The following USP34 variants were observed in gnomAD, a reference collection of about 807,000 sequenced individuals.
USP34 encodes the protein ubiquitin carboxyl-terminal hydrolase 34.
In USP34, 70 loss-of-function variants were observed where a neutral mutation model predicts 460.3. The observed-to-expected ratio is 0.15, with a 90% CI of 0.13 to 0.19. USP34 has a LOEUF of 0.19. Among genes scored for constraint, USP34 ranks in the 10% least tolerant of loss-of-function variants. The pLI is 1.00. For missense variants in USP34, 3,985 were observed against 4,236.2 expected (o/e 0.94, Z 1.65); for synonymous variants, 1,647 against 1,405.3 (o/e 1.17, Z -3.85).
At chr2:61,202,933 T>G (rs1687017757) in intron 75 of USP34, among the ~76,000 whole-genome samples, 1 of 152,062 alleles carries the variant, frequency 6.6e-6, no homozygotes, top group Non-Finnish European at 1.5e-5. Flanking sequence ...ATAGGCCAGC[T>G]GAAACTCTGG....
intron 67 of USP34, among the ~76,000 whole-genome samples, chr2:61,218,729 T>C (rs1687473667): frequency 6.6e-6 from 1 of 152,136 alleles, no homozygotes; most frequent in Non-Finnish European, 1.5e-5. Context: ...TCATAGAATG[T>C]CCCTCAATCT....
intron 5 of USP34, among the ~76,000 whole-genome samples, chr2:61,390,188 A>G (rs1693299077): frequency 6.6e-6 from 1 of 152,182 alleles, no homozygotes; most frequent in East Asian, 1.9e-4. Context: ...CCTCATTTGC[A>G]CTTCTTTCTA....
chr2:61,301,290 G>C (rs1229687548), intron 28 of USP34, 64 bp downstream of exon 28: 2 of 1,551,986 alleles, frequency 1.3e-6, no homozygotes, highest in Non-Finnish European at 1.8e-6. Context: ...AACTACATCT[G>C]CGACTATTCA....
intron 1 of USP34, among the ~76,000 whole-genome samples, chr2:61,440,208 T>C (rs955812309): frequency 6.6e-6 from 1 of 152,090 alleles, no homozygotes; most frequent in African/African-American, 2.4e-5. Flanking sequence ...AGCCTCTTCC[T>C]CCTGGCCTCC....
rs1389153801 is a variant in USP34 at position 61,283,279 on chromosome 2, A to G, written c.4874-10T>C. On this transcript the variant is annotated splice_polypyrimidine_tract_variant and intron_variant, in intron 36 of 79. Transcript: ENST00000398571. ...ATTGAATAATGTGAAACTAAAGAAA[A>G]ATTAGAAAACAGTTCACTATAAAAG... 3.7e-6 allele frequency: 6 copies of G among 1,610,090 alleles called. No individual in the cohort carries two copies. Among genetic ancestry groups the G allele is most frequent in the Non-Finnish European group, 5.1e-6 (6 of 1,178,508 alleles).
rs1424048968 is a variant in USP34, at chr2:61,227,059, C to T, written c.7595+8G>A. 13 of 1,584,522 alleles carry T rather than the reference C, an allele frequency of 8.2e-6. No homozygotes were observed. The highest frequency in any genetic ancestry group is 2.7e-5 in the African/African-American group (2 of 72,932). ...TGCTTTAAACATTTTAAATTCGAAA[C>T]ATTTCACCTTTCTGATCGAGACTGT... On this transcript the variant is annotated splice_region_variant and intron_variant, in intron 62 of 79. Coordinates refer to ENST00000398571, the MANE Select transcript of USP34 (RefSeq NM_014709.4).
intron 53 of USP34, 115 bp downstream of exon 53, chr2:61,241,445 G>T: frequency 1.5e-6 from 1 of 652,966 alleles, no homozygotes. Flanking sequence ...ATACTCTTAA[G>T]ATCTACTCAG....
intron 53 of USP34, among the ~76,000 whole-genome samples, chr2:61,239,172 T>A (rs1688158396): frequency 6.6e-6 from 1 of 151,960 alleles, no homozygotes; most frequent in African/African-American, 2.4e-5. Context: ...GAGACAATAC[T>A]GGAATTAGGC....
intron 10 of USP34, among the ~76,000 whole-genome samples, chr2:61,354,825 G>C (rs1024690172): frequency 5.9e-5 from 9 of 152,204 alleles, no homozygotes; most frequent in Non-Finnish European, 1.0e-4. Flanking sequence ...CTCACACTGA[G>C]GCAGACCCTT....
intron 2 of USP34, chr2:61,416,849 T>C (rs1694211687): frequency 8.4e-6 from 4 of 475,620 alleles, no homozygotes; most frequent in East Asian, 3.7e-5. Flanking sequence ...GTAGAATGTA[T>C]TGGTATTAAG....
chr2:61,402,079 AAC>A (rs1429074267), intron 3 of USP34, among the ~76,000 whole-genome samples: 2 of 151,710 alleles, frequency 1.3e-5, no homozygotes, highest in Admixed American at 1.3e-4. Flanking sequence ...AAACCCCATA[AAC>A]ACAGATAAAC....
At chr2:61,379,246 G>T (rs1484372701) in intron 7 of USP34, among the ~76,000 whole-genome samples, 1 of 152,052 alleles carries the variant, frequency 6.6e-6, no homozygotes, top group African/African-American at 2.4e-5. Context: ...TGGCCAGGTG[G>T]GGTGGCTCAC....
intron 16 of USP34, 144 bp from the exon 17 acceptor site, chr2:61,339,825 T>C (rs1249591104): frequency 2.8e-6 from 1 of 359,368 alleles, no homozygotes; most frequent in Non-Finnish European, 4.4e-6. Flanking sequence ...CAATATTTTG[T>C]TTTGTTTTGT....
chr2:61,313,598 T>G (rs1157817472), intron 25 of USP34, among the ~76,000 whole-genome samples: 1 of 152,160 alleles, frequency 6.6e-6, no homozygotes, highest in African/African-American at 2.4e-5. Context: ...ACACCACATT[T>G]GCTCTTTTTA....
At chr2:61,335,663 C>T (rs183892467) in intron 18 of USP34, among the ~76,000 whole-genome samples, 9 of 152,130 alleles carry the variant, frequency 5.9e-5, no homozygotes, top group Admixed American at 1.3e-4. Context: ...GTGGGAGACT[C>T]GCTTGAGCCT....
At chr2:61,247,915 A>T (rs1218933218) in intron 49 of USP34, among the ~76,000 whole-genome samples, 1 of 152,152 alleles carries the variant, frequency 6.6e-6, no homozygotes, top group South Asian at 2.1e-4. Context: ...GGCCGGGCAC[A>T]GTGGCTCACA....
intron 76 of USP34, 113 bp downstream of exon 76, chr2:61,192,788 G>T: frequency 2.7e-6 from 2 of 731,648 alleles, no homozygotes; most frequent in South Asian, 2.2e-5. Context: ...TACCTATCAA[G>T]ATTCTAAAAT....
chr2:61,277,072 A>G (rs911454977), intron 41 of USP34, among the ~76,000 whole-genome samples: 4 of 152,186 alleles, frequency 2.6e-5, no homozygotes, highest in African/African-American at 9.7e-5. Flanking sequence ...AGTGTTTCCA[A>G]TATTCAGAGA....
intron 1 of USP34, among the ~76,000 whole-genome samples, chr2:61,444,396 C>G (rs1479205141): frequency 6.6e-6 from 1 of 151,968 alleles, no homozygotes; most frequent in Non-Finnish European, 1.5e-5. Context: ...AATATCCAGA[C>G]TGCAGTATGA....
Sources: gnomAD v4.1 joint callset for allele counts (sites outside exome capture counted in the v4.1 genomes callset) on GRCh38, gnomAD v4.1.1 for gene constraint, MANE v1.5 for transcripts, NCBI Gene and HGNC (gene_info 2026-07-23, HGNC 2026-07-21) for gene names.